The following MARK2 variants were observed in gnomAD, a reference collection of about 807,000 sequenced individuals.
MARK2 encodes the protein microtubule affinity regulating kinase 2.
Under a neutral mutation model 89.8 loss-of-function variants are expected in MARK2, and 16 were observed. The ratio of observed to expected loss-of-function variants is 0.18; its 90% CI spans 0.12 to 0.27. The LOEUF is 0.27. Among genes scored for constraint, MARK2 ranks in the 10% least tolerant of loss-of-function variants. MARK2 has a pLI of 1.00. For missense variants in MARK2, 621 were observed against 1,049.9 expected (o/e 0.59, Z 5.65); for synonymous variants, 382 against 399.5 (o/e 0.96, Z 0.52).
chr11:63,901,944 T>C (rs536106025), intron 11 of MARK2, among the ~76,000 whole-genome samples: 1 of 152,116 alleles, frequency 6.6e-6, no homozygotes, highest in Non-Finnish European at 1.5e-5. Flanking sequence ...CATGTGTTCT[T>C]GCGGATGTTT....
intron 1 of MARK2, among the ~76,000 whole-genome samples, chr11:63,846,582 A>T (rs971065637): frequency 2.0e-4 from 30 of 151,562 alleles, no homozygotes; most frequent in Non-Finnish European, 3.4e-4. Context: ...CCTTGAACTC[A>T]TGACCTCGTG....
At chr11:63,895,661 T>C in intron 3 of MARK2, 28 bp downstream of exon 3, 1 of 150,676 alleles carries the variant, frequency 6.6e-6, no homozygotes. Flanking sequence ...CCTGTCCCTT[T>C]TTTTTTTTTT....
chr11:63,870,963 A>G (rs1214200019), intron 1 of MARK2, among the ~76,000 whole-genome samples: 1 of 152,220 alleles, frequency 6.6e-6, no homozygotes, highest in African/African-American at 2.4e-5. Flanking sequence ...CTGGAGCTGC[A>G]GGCAGGGAAG....
chr11:63,859,472 C>A (rs1441627948), intron 1 of MARK2, among the ~76,000 whole-genome samples: 1 of 151,914 alleles, frequency 6.6e-6, no homozygotes, highest in Admixed American at 6.6e-5. Context: ...AGGTGCCCGC[C>A]AGTATACCCG....
At chr11:63,847,082 C>A (rs1375335384) in intron 1 of MARK2, among the ~76,000 whole-genome samples, 1 of 152,172 alleles carries the variant, frequency 6.6e-6, no homozygotes, top group African/African-American at 2.4e-5. Flanking sequence ...GTGATCATGC[C>A]ACTGCATTCC....
chr11:63,871,468 C>T (rs893419273), intron 1 of MARK2, among the ~76,000 whole-genome samples: 30 of 122,388 alleles, frequency 2.5e-4, no homozygotes, highest in African/African-American at 6.7e-4. Context: ...GAGTATTCAC[C>T]GTGTGCAGGT....
At chr11:63,851,301 C>T (rs1416484137) in intron 1 of MARK2, among the ~76,000 whole-genome samples, 1 of 152,114 alleles carries the variant, frequency 6.6e-6, no homozygotes, top group African/African-American at 2.4e-5. Context: ...GGGAAGGTAA[C>T]AGTGTCCCCT....
rs924178783 is a variant in MARK2, at chr11:63,903,480, G to T, written c.1514+322G>T. 1.8e-4 allele frequency: 73 copies of T among 398,814 alleles called. No homozygotes were observed. Among genetic ancestry groups the T allele is most frequent in the Admixed American group, 6.2e-4 (16 of 25,662 alleles). The allele number at this position is 398,814 out of a possible 1,614,324, so 24.7% of individuals were successfully genotyped here. A position where few individuals can be genotyped will look rare whatever the true frequency, so the allele number is the denominator to read the frequency against. On this transcript the variant is annotated intron_variant, in intron 14 of 18. Coordinates refer to ENST00000402010, the MANE Select transcript of MARK2 (RefSeq NM_001039469.3). This position sits in a 1 kb window ranked among gnomAD's most constrained non-coding sequence, Gnocchi z 5.1. Reference sequence around the variant, plus strand: ...TGAGCAGCTAAGGCCTTGTGTTGGGGGTCCCAGCTCAGGGCAGAACCAAGA... The same window carrying T: ...TGAGCAGCTAAGGCCTTGTGTTGGGTGTCCCAGCTCAGGGCAGAACCAAGA...
chr11:63,902,309 C>G lies in MARK2; in HGVS notation c.1213C>G (p.Gln405Glu). ...GCGCAGCGTGTCGGCCAATCCCAAG[C>G]AGCGGCGCTTCAGCGACCAGGGTAA... The part of the protein sequence containing the change: ...VQRSVSANPK[Q>E]RRFSDQAAGP... The change falls in exon 12 of 19, where the codon CAG becomes GAG. Residue 405 changes from glutamine to glutamate, a missense_variant. Coordinates refer to ENST00000402010, the MANE Select transcript of MARK2 (RefSeq NM_001039469.3). This position sits in a 1 kb window ranked among gnomAD's most constrained non-coding sequence, Gnocchi z 4.2. 1 of 1,614,110 alleles carries G rather than the reference C, an allele frequency of 6.2e-7. No individual in the cohort carries two copies. The highest frequency in any genetic ancestry group is 8.5e-7 in the Non-Finnish European group (1 of 1,179,986).
At chr11:63,874,126 TGCG>T (rs1057292340) in intron 1 of MARK2, among the ~76,000 whole-genome samples, 2 of 152,210 alleles carry the variant, frequency 1.3e-5, no homozygotes, top group African/African-American at 4.8e-5. Context: ...TCCTGTGTCT[TGCG>T]GCCAGCGACT....
chr11:63,883,072 G>A (rs1939192449), intron 1 of MARK2, among the ~76,000 whole-genome samples: 1 of 152,216 alleles, frequency 6.6e-6, no homozygotes, highest in South Asian at 2.1e-4. Context: ...ACTGGTATGG[G>A]AGGAACCGCA....
chr11:63,898,411 G>T (rs1940591904), intron 4 of MARK2, 131 bp downstream of exon 4: 1 of 1,007,058 alleles, frequency 9.9e-7, no homozygotes, highest in Non-Finnish European at 1.5e-6. Flanking sequence ...GGGAAGCTCA[G>T]CTCAAAATCC....
chr11:63,908,613 C>T lies in MARK2; in HGVS notation c.2007-264C>T, dbSNP rs183361479. ...GGAGGCTTCTTTCTGGAGAGAGAGTCTGTGCTCGTGCTGTTGAGGGCACTG... is the reference window on the plus strand; with the variant it reads ...GGAGGCTTCTTTCTGGAGAGAGAGTTTGTGCTCGTGCTGTTGAGGGCACTG... On this transcript the variant is annotated intron_variant, in intron 18 of 18. Coordinates refer to ENST00000402010, the MANE Select transcript of MARK2 (RefSeq NM_001039469.3). Among the ~76,000 whole-genome samples, 11 of 152,336 alleles carry T rather than the reference C, an allele frequency of 7.2e-5. No individual in the cohort carries two copies. The South Asian group carries it at 1.2e-3, about 17-fold the overall frequency.
intron 1 of MARK2, among the ~76,000 whole-genome samples, chr11:63,861,478 GTAT>G (rs2135240177): frequency 6.6e-6 from 1 of 152,234 alleles, no homozygotes; most frequent in East Asian, 1.9e-4. Context: ...TTTGTTTACT[GTAT>G]TAGTTAAGGC....
intron 16 of MARK2, 57 bp from the exon 17 acceptor site, chr11:63,906,031 G>T: frequency 7.5e-7 from 1 of 1,327,482 alleles, no homozygotes; most frequent in Non-Finnish European, 9.7e-7. Flanking sequence ...ATACCGTCTT[G>T]TTGGTTTTTT....
intron 1 of MARK2, among the ~76,000 whole-genome samples, chr11:63,842,297 A>G (rs981790123): frequency 1.3e-5 from 2 of 151,210 alleles, no homozygotes; most frequent in African/African-American, 2.4e-5. Flanking sequence ...GCTCACTGCA[A>G]TCTCCGCCTC....
intron 1 of MARK2, among the ~76,000 whole-genome samples, chr11:63,881,033 G>C (rs1030311560): frequency 2.0e-5 from 3 of 152,216 alleles, no homozygotes; most frequent in African/African-American, 4.8e-5. Flanking sequence ...GCCTGGTGCA[G>C]TGGCTCACGC....
intron 11 of MARK2, 32 bp downstream of exon 11, chr11:63,901,101 G>C (rs1157260221): frequency 2.8e-6 from 4 of 1,441,972 alleles, no homozygotes; most frequent in Non-Finnish European, 3.9e-6. Flanking sequence ...CTCTGACCTG[G>C]CCAGCCTCAC....
intron 1 of MARK2, among the ~76,000 whole-genome samples, chr11:63,886,733 G>A (rs979085215): frequency 1.7e-4 from 26 of 152,258 alleles, no homozygotes; most frequent in Admixed American, 1.4e-3. Flanking sequence ...CCCCCATGTG[G>A]CTTTTAATCT....
Sources: gnomAD v4.1 joint callset for allele counts (sites outside exome capture counted in the v4.1 genomes callset) on GRCh38, gnomAD v4.1.1 for gene constraint, Gnocchi (gnomAD v3.1) non-coding constraint, MANE v1.5 for transcripts, NCBI Gene and HGNC (gene_info 2026-07-23, HGNC 2026-07-21) for gene names.